Variants in ERG observed in about 807,000 individuals in gnomAD.
ERG encodes the protein ETS transcription factor ERG, also known as transcriptional regulator ERG.
ERG carries 9 observed loss-of-function variants against 55.3 expected under a neutral mutation model. The ratio of observed to expected loss-of-function variants is 0.16; its 90% CI spans 0.10 to 0.28. The LOEUF (loss-of-function observed/expected upper bound fraction) is 0.28, where lower values mean the gene tolerates loss of function less well. Among genes scored for constraint, ERG ranks in the 10% least tolerant of loss-of-function variants. ERG has a pLI of 1.00. For synonymous variants in ERG, 223 were observed against 237.3 expected, an observed-to-expected ratio of 0.94 and a Z score of 0.55; for missense variants, 434 against 631.6, an observed-to-expected ratio of 0.69 and a Z score of 3.35.
chr21:38,588,337 C>T (rs1280410200), upstream of ERG, among the ~76,000 whole-genome samples: 1 of 152,188 alleles, frequency 6.6e-6, no homozygotes, highest in African/African-American at 2.4e-5. Flanking sequence ...CACCACCCTC[C>T]AAGCCCTGCC....
intron 2 of ERG, among the ~76,000 whole-genome samples, chr21:38,510,452 A>G (rs903554781): frequency 5.9e-5 from 9 of 152,206 alleles, no homozygotes; most frequent in Non-Finnish European, 7.4e-5. Context: ...AACACTGAGA[A>G]GTTTGCAAAG....
At chr21:38,615,187 C>A (rs2060251241) in intron 1 of ERG, among the ~76,000 whole-genome samples, 1 of 152,186 alleles carries the variant, frequency 6.6e-6, no homozygotes, top group Admixed American at 6.5e-5. Context: ...AATTCCTCAC[C>A]TTACTAAAGC....
intron 1 of ERG, among the ~76,000 whole-genome samples, chr21:38,601,114 G>A (rs1355360209): frequency 6.6e-6 from 1 of 152,176 alleles, no homozygotes; most frequent in African/African-American, 2.4e-5. Flanking sequence ...GATGTCAAGG[G>A]GATCACTGGA....
intron 2 of ERG, among the ~76,000 whole-genome samples, chr21:38,505,996 C>T (rs531395078): frequency 6.8e-6 from 1 of 148,116 alleles, no homozygotes; most frequent in Non-Finnish European, 1.5e-5. Context: ...AAATTAAGAT[C>T]TAACATTTAT....
chr21:38,481,475 G>GAAAGATTACATTTCA (rs1485498692), intron 1 of ERG, among the ~76,000 whole-genome samples: 2 of 152,132 alleles, frequency 1.3e-5, no homozygotes, highest in Non-Finnish European at 2.9e-5. Flanking sequence ...TATATATAAT[G>GAAAGATTACATTTCA]TTTTAACCAG....
At chr21:38,397,694 A>C (rs538603620) in intron 6 of ERG, among the ~76,000 whole-genome samples, 4 of 151,986 alleles carry the variant, frequency 2.6e-5, no homozygotes, top group Admixed American at 2.6e-4. Flanking sequence ...CACAGTGGGA[A>C]GGGAAGGAGG....
At chr21:38,585,553 T>TTTTTTTTTTTTTTTTTTTTG (rs2060058701), upstream of ERG, among the ~76,000 whole-genome samples, 1 of 145,178 alleles carries the variant, frequency 6.9e-6, no homozygotes, top group Non-Finnish European at 1.5e-5. Flanking sequence ...TTTTTTTTTT[T>TTTTTTTTTTTTTTTTTTTTG]TTTTTAGATA....
chr21:38,583,120 A>G (rs189125436), intron 1 of ERG, among the ~76,000 whole-genome samples: 31 of 152,362 alleles, frequency 2.0e-4, no homozygotes, highest in Admixed American at 3.9e-4. Flanking sequence ...ATTCCTTGAA[A>G]GCATTGGTCG....
upstream of ERG, chr21:38,498,591 C>T (rs1601141092): frequency 4.1e-6 from 4 of 987,494 alleles, no homozygotes; most frequent in East Asian, 1.3e-4. The surrounding 1 kb of genome is among the most constrained non-coding windows in gnomAD (Gnocchi z 4.6). Flanking sequence ...AGATAAGAGA[C>T]CCTGAAAACA....
intron 2 of ERG, among the ~76,000 whole-genome samples, chr21:38,543,505 T>C (rs1186811686): frequency 6.6e-6 from 1 of 152,188 alleles, no homozygotes; most frequent in East Asian, 1.9e-4. Flanking sequence ...ATGACTTTTA[T>C]AGCCAGGTAA....
In ERG at chr21:38,637,263, A is replaced by G. The variant is rs112927667; in HGVS notation, c.-150+24395T>C. 1.8e-3 allele frequency among the ~76,000 whole-genome samples: 278 copies of G among 152,160 alleles called. 1 individual carries two copies. Among genetic ancestry groups the G allele is most frequent in the African/African-American group, 6.2e-3 (256 of 41,524 alleles). ...TGTTTCTGCCAGCCTTTCTGTTGAA[A>G]CTTGCCAGAGAAAATGACCCACCTG... is the stretch of plus-strand genomic sequence containing the variant. On this transcript the variant is annotated intron_variant, in intron 1 of 10. Coordinates refer to the ERG transcript ENST00000398910.
intron 1 of ERG, among the ~76,000 whole-genome samples, chr21:38,614,071 G>A (rs16996573): frequency 1.5e-5 from 2 of 129,110 alleles, no homozygotes; most frequent in Admixed American, 1.4e-4. Flanking sequence ...TTCAGCAAAC[G>A]GGATTCTTCC....
At chr21:38,505,072 G>T (rs2059450045) in intron 2 of ERG, among the ~76,000 whole-genome samples, 1 of 152,034 alleles carries the variant, frequency 6.6e-6, no homozygotes, top group Non-Finnish European at 1.5e-5. Context: ...GGTTGAGGTG[G>T]GCTTTAATTC....
intron 1 of ERG, among the ~76,000 whole-genome samples, chr21:38,640,351 G>C (rs1246817580): frequency 6.6e-6 from 1 of 152,158 alleles, no homozygotes; most frequent in Admixed American, 6.5e-5. Context: ...CAGGAGATGG[G>C]GGAAGGGGGC....
intron 2 of ERG, among the ~76,000 whole-genome samples, chr21:38,508,162 A>C (rs1568866917): frequency 6.6e-6 from 1 of 150,394 alleles, no homozygotes; most frequent in Admixed American, 6.6e-5. Context: ...AGAGAGACAG[A>C]GCAGGAGGTC....
chr21:38,391,128 G>T (rs2146427253), intron 8 of ERG, 86 bp from the exon 9 acceptor site: 1 of 1,184,834 alleles, frequency 8.4e-7, no homozygotes. Flanking sequence ...TGACTTAATT[G>T]TTTTTTCAGA....
intron 1 of ERG, among the ~76,000 whole-genome samples, chr21:38,619,885 T>G (rs574045625): frequency 1.4e-3 from 214 of 152,348 alleles, no homozygotes; most frequent in African/African-American, 5.1e-3. Context: ...TAGGTTATGG[T>G]CTAATTGCCT....
chr21:38,428,707 C>T (rs1989961010), intron 2 of ERG, among the ~76,000 whole-genome samples: 1 of 152,120 alleles, frequency 6.6e-6, no homozygotes, highest in Non-Finnish European at 1.5e-5. Context: ...ATGTGTGTTG[C>T]AGCAGTTCCT....
chr21:38,586,511 G>A (rs765295687), upstream of ERG, among the ~76,000 whole-genome samples: 3 of 151,874 alleles, frequency 2.0e-5, no homozygotes, highest in Non-Finnish European at 2.9e-5. Context: ...AATGCAAATC[G>A]AAATCATGAT....
Sources: gnomAD v4.1 joint callset for allele counts (sites outside exome capture counted in the v4.1 genomes callset) on GRCh38, gnomAD v4.1.1 for gene constraint, Gnocchi (gnomAD v3.1) non-coding constraint, MANE v1.5 for transcripts, NCBI Gene and HGNC (gene_info 2026-07-23, HGNC 2026-07-21) for gene names.